ROBO1: variants seen among roughly 807,000 people sequenced by gnomAD.
ROBO1 encodes roundabout guidance receptor 1, also known as roundabout homolog 1.
Under a neutral mutation model 195.9 loss-of-function variants are expected in ROBO1, and 149 were observed. The ratio of observed to expected loss-of-function variants is 0.76; its 90% CI spans 0.67 to 0.87. The LOEUF is 0.87. ROBO1 is among the 40% of genes least tolerant of loss of function. ROBO1 has a pLI of 0.00. For missense variants in ROBO1, 1,933 were observed against 2,068.3 expected, an observed-to-expected ratio of 0.93 and a Z score of 1.27; for synonymous variants, 816 against 733.2, an observed-to-expected ratio of 1.11 and a Z score of -1.82.
At chr3:79,501,745 G>A (rs533932073) in intron 2 of ROBO1, among the ~76,000 whole-genome samples, 1 of 151,958 alleles carries the variant, frequency 6.6e-6, no homozygotes, top group Non-Finnish European at 1.5e-5. Context: ...TCCACAAAAG[G>A]CTTTTTTTAA....
At chr3:78,893,029 C>T (rs2036999106) in intron 4 of ROBO1, among the ~76,000 whole-genome samples, 1 of 152,170 alleles carries the variant, frequency 6.6e-6, no homozygotes, top group Admixed American at 6.6e-5. Context: ...AAGACCTCTC[C>T]CTTCTCCCAT....
At chr3:79,345,822 G>C (rs987834719) in intron 2 of ROBO1, among the ~76,000 whole-genome samples, 8 of 152,088 alleles carry the variant, frequency 5.3e-5, no homozygotes, top group Non-Finnish European at 1.0e-4. Flanking sequence ...TTTATAAGCT[G>C]TCCTCATGTT....
At chr3:79,592,262 A>G (rs540083672) in intron 1 of ROBO1, among the ~76,000 whole-genome samples, 1 of 152,114 alleles carries the variant, frequency 6.6e-6, no homozygotes, top group African/African-American at 2.4e-5. Context: ...ACCTGAAAGT[A>G]GAAACACTTA....
intron 2 of ROBO1, among the ~76,000 whole-genome samples, chr3:79,496,584 T>G (rs889450670): frequency 5.3e-5 from 8 of 149,746 alleles, no homozygotes; most frequent in African/African-American, 2.5e-5. Flanking sequence ...AGACGGGGTT[T>G]CACCTTGTTA....
intron 4 of ROBO1, among the ~76,000 whole-genome samples, chr3:78,786,466 C>A (rs975478140): frequency 7.9e-5 from 12 of 152,060 alleles, no homozygotes; most frequent in Non-Finnish European, 1.8e-4. Context: ...ATCCTCATGA[C>A]CCTCCCTCAT....
At chr3:79,481,459 G>A (rs1024052785) in intron 2 of ROBO1, among the ~76,000 whole-genome samples, 2 of 152,158 alleles carry the variant, frequency 1.3e-5, no homozygotes, top group African/African-American at 2.4e-5. Flanking sequence ...GCTCTTTTGT[G>A]ACTATTATTT....
intron 1 of ROBO1, among the ~76,000 whole-genome samples, chr3:79,700,952 G>C (rs767687992): frequency 6.6e-6 from 1 of 151,616 alleles, no homozygotes; most frequent in Non-Finnish European, 1.5e-5. Flanking sequence ...GATTCTTATA[G>C]TTAAGATCTT....
chr3:79,452,147 T>A (rs2039462424), intron 2 of ROBO1, among the ~76,000 whole-genome samples: 1 of 152,144 alleles, frequency 6.6e-6, no homozygotes, highest in South Asian at 2.1e-4. Flanking sequence ...TTTGTCTCAC[T>A]CCAATTTATT....
At chr3:79,472,857 GA>G (rs1938355711) in intron 2 of ROBO1, among the ~76,000 whole-genome samples, 1 of 152,098 alleles carries the variant, frequency 6.6e-6, no homozygotes. Context: ...TTACTATCGT[GA>G]GTTATCAATC....
chr3:79,454,259 T>C (rs900145449), intron 2 of ROBO1, among the ~76,000 whole-genome samples: 3 of 152,020 alleles, frequency 2.0e-5, no homozygotes, highest in Non-Finnish European at 4.4e-5. Flanking sequence ...TGCAGCATCC[T>C]GTTACCAAGA....
intron 2 of ROBO1, among the ~76,000 whole-genome samples, chr3:79,141,567 GTTTTT>G (rs11315738): frequency 1.4e-5 from 2 of 139,412 alleles, no homozygotes; most frequent in African/African-American, 5.3e-5. Flanking sequence ...TGCTGTTGTT[GTTTTT>G]TTTTTTTTTC....
chr3:79,616,319 T>TA (rs1238516327), intron 1 of ROBO1, among the ~76,000 whole-genome samples: 1 of 152,134 alleles, frequency 6.6e-6, no homozygotes, highest in African/African-American at 2.4e-5. Flanking sequence ...GAATATTTCC[T>TA]AGAGTGCACT....
At chr3:78,916,734 T>C (rs2038621584) in intron 4 of ROBO1, among the ~76,000 whole-genome samples, 1 of 152,164 alleles carries the variant, frequency 6.6e-6, no homozygotes, top group Non-Finnish European at 1.5e-5. Flanking sequence ...TTACATTCTT[T>C]AGTCTGGTTA....
intron 2 of ROBO1, among the ~76,000 whole-genome samples, chr3:79,573,096 C>A (rs1000149307): frequency 1.3e-5 from 2 of 152,164 alleles, no homozygotes; most frequent in Non-Finnish European, 2.9e-5. Flanking sequence ...GCCATGCAAG[C>A]TGGAGTGCAG....
intron 4 of ROBO1, among the ~76,000 whole-genome samples, chr3:78,815,060 G>C (rs760528365): frequency 3.3e-5 from 5 of 152,048 alleles, no homozygotes; most frequent in Non-Finnish European, 5.9e-5. Context: ...ATAAATGTTT[G>C]TTCAGGTTCA....
At chr3:78,661,874 C>T in intron 15 of ROBO1, 119 bp downstream of exon 15, 4 of 1,180,724 alleles carry the variant, frequency 3.4e-6, no homozygotes, top group Non-Finnish European at 4.7e-6. Flanking sequence ...ATAAACAGTG[C>T]TTACACTATA....
At chr3:79,215,807 T>A (rs2082046589) in intron 2 of ROBO1, among the ~76,000 whole-genome samples, 1 of 152,222 alleles carries the variant, frequency 6.6e-6, no homozygotes, top group African/African-American at 2.4e-5. Flanking sequence ...ATTAACTCCA[T>A]ATCTTAAATG....
At position 78,657,015 on chromosome 3, in the gene ROBO1, G is replaced by A; in HGVS notation, c.2614+83C>T. 3.8e-6 allele frequency: 5 copies of A among 1,306,956 alleles called. No homozygotes were observed. In the South Asian group the frequency reaches 7.8e-5, roughly 20 times the overall value. 81.0% of individuals were successfully genotyped at this position (1,306,956 alleles called of 1,614,324 possible). A position where few individuals can be genotyped will look rare whatever the true frequency, so the allele number is the denominator to read the frequency against. The stretch of plus-strand genomic sequence containing the variant: ...TATTCTATTAAATTAGCAATGGTGG[G>A]TGGCTCAGCCACATGCAAAAAAGCA... On this transcript the variant is annotated intron_variant, in intron 18 of 30. Coordinates refer to ENST00000464233, the MANE Select transcript of ROBO1 (RefSeq NM_002941.4).
At chr3:78,957,519 G>A (rs1375386031) in intron 3 of ROBO1, among the ~76,000 whole-genome samples, 1 of 152,136 alleles carries the variant, frequency 6.6e-6, no homozygotes, top group Non-Finnish European at 1.5e-5. Flanking sequence ...AGTTGTGTAT[G>A]CAGAACTGCA....
Sources: gnomAD v4.1 joint callset for allele counts (sites outside exome capture counted in the v4.1 genomes callset) on GRCh38, gnomAD v4.1.1 for gene constraint, MANE v1.5 for transcripts, NCBI Gene and HGNC (gene_info 2026-07-23, HGNC 2026-07-21) for gene names.